Variants in ABCG1 observed in about 807,000 individuals in gnomAD.
ABCG1 encodes ATP binding cassette subfamily G member 1.
In ABCG1, 29 loss-of-function variants were observed where a neutral mutation model predicts 69.2. The ratio of observed to expected loss-of-function variants is 0.42; its 90% CI spans 0.31 to 0.57. The LOEUF is 0.57. ABCG1 is among the 20% of genes least tolerant of loss of function. The pLI is 0.15. For synonymous variants in ABCG1, 370 were observed against 374.8 expected, an observed-to-expected ratio of 0.99 and a Z score of 0.15; for missense variants, 718 against 898.1, an observed-to-expected ratio of 0.80 and a Z score of 2.56.
intron 2 of ABCG1, among the ~76,000 whole-genome samples, chr21:42,202,643 G>A (rs1000047950): frequency 1.3e-5 from 2 of 149,042 alleles, no homozygotes; most frequent in Non-Finnish European, 3.0e-5. Flanking sequence ...ACAAGGTCTC[G>A]CTCTGTCACC....
At chr21:42,227,422 T>A (rs979870369) in intron 2 of ABCG1, among the ~76,000 whole-genome samples, 1 of 152,258 alleles carries the variant, frequency 6.6e-6, no homozygotes, top group Admixed American at 6.5e-5. Context: ...AGACAAATTA[T>A]GGCAAAGCAG....
intron 2 of ABCG1, among the ~76,000 whole-genome samples, chr21:42,267,486 C>G (rs190463314): frequency 5.6e-4 from 84 of 150,428 alleles, no homozygotes; most frequent in African/African-American, 2.0e-3. Flanking sequence ...TGGGTCTGAT[C>G]TGGGTTCTGT....
At chr21:42,221,869 G>C (rs2067733329) in intron 1 of ABCG1, among the ~76,000 whole-genome samples, 1 of 152,176 alleles carries the variant, frequency 6.6e-6, no homozygotes, top group Non-Finnish European at 1.5e-5. Flanking sequence ...ACCACGGCCT[G>C]TGGGTGGCTT....
chr21:42,256,387 C>T (rs752561076), intron 2 of ABCG1: 1 of 1,550,306 alleles, frequency 6.5e-7, no homozygotes, highest in Non-Finnish European at 8.7e-7. Context: ...CCGCCATTCT[C>T]TTGGCCAGAC....
chr21:42,288,203 G>C lies in ABCG1; in HGVS notation c.1123-8G>C, dbSNP rs201499987. On this transcript the variant is annotated splice_region_variant and splice_polypyrimidine_tract_variant and intron_variant, in intron 9 of 14. Coordinates refer to ENST00000398449, the MANE Select transcript of ABCG1 (RefSeq NM_016818.3). This position sits in a 1 kb window ranked among gnomAD's most constrained non-coding sequence, Gnocchi z 4.8. ...TTTCACCCGCTCCCCTCTTGCGTGT[G>C]TCCTCAGGACTCCTCGTCCATGGAA... 17 of 1,613,962 alleles carry C rather than the reference G, an allele frequency of 1.1e-5. No homozygotes were observed. The East Asian group carries it at 3.8e-4, about 36-fold the overall frequency.
chr21:42,256,974 A>G (rs1310901435), intron 2 of ABCG1, among the ~76,000 whole-genome samples: 1 of 152,158 alleles, frequency 6.6e-6, no homozygotes, highest in Non-Finnish European at 1.5e-5. Flanking sequence ...TTTTGTCTGT[A>G]ATTGCAACTC....
chr21:42,212,959 C>T (rs961092185), upstream of ABCG1, among the ~76,000 whole-genome samples: 6 of 152,188 alleles, frequency 3.9e-5, no homozygotes, highest in Non-Finnish European at 8.8e-5. Context: ...TCCCAAAGTG[C>T]TGGGATTACA....
At chr21:42,205,314 T>C (rs2123464002) in intron 2 of ABCG1, among the ~76,000 whole-genome samples, 1 of 152,246 alleles carries the variant, frequency 6.6e-6, no homozygotes, top group South Asian at 2.1e-4. Context: ...TTTTATTGAT[T>C]GTGGCCAGAC....
chr21:42,296,627 T>TG lies in ABCG1; in HGVS notation c.*235_*236insG, dbSNP rs1044700178. On this transcript the variant is annotated 3_prime_UTR_variant, in exon 15 of 15. Coordinates refer to ENST00000398449, the MANE Select transcript of ABCG1 (RefSeq NM_016818.3). The surrounding 1 kb of genome is among the most constrained non-coding windows in gnomAD (Gnocchi z 5.4). ...GGAAGATGTAGGCAGATTGGTGGTTTTTTTTTTTTTAACATACAGAATTTT... is the reference window on the plus strand; with the variant it reads ...GGAAGATGTAGGCAGATTGGTGGTTTGTTTTTTTTTTAACATACAGAATTTT... The TG allele has an allele frequency of 1.2e-5, 6 of 516,756 alleles. No homozygotes were observed. Among genetic ancestry groups the TG allele is most frequent in the Admixed American group, 6.4e-5 (2 of 31,316 alleles). The allele number at this position is 516,756 out of a possible 1,614,324, so 32.0% of individuals were successfully genotyped here.
chr21:42,292,725 CCA>C (rs1241010100), intron 13 of ABCG1, among the ~76,000 whole-genome samples: 2 of 149,310 alleles, frequency 1.3e-5, no homozygotes, highest in South Asian at 2.1e-4. Context: ...ACACTACACA[CCA>C]CACACTGCAT....
chr21:42,256,755 G>A (rs886310942), intron 2 of ABCG1: 43 of 1,330,066 alleles, frequency 3.2e-5, no homozygotes, highest in African/African-American at 1.9e-4. Flanking sequence ...AAATGATCAC[G>A]AGCTTAAGGA....
chr21:42,273,144 G>A lies in ABCG1; in HGVS notation c.405-159G>A, dbSNP rs2068645791. Among the ~76,000 whole-genome samples the A allele has an allele frequency of 6.6e-6, 1 of 152,190 alleles. No homozygotes were observed. Among genetic ancestry groups the A allele is most frequent in the Non-Finnish European group, 1.5e-5 (1 of 68,024 alleles). On this transcript the variant is annotated intron_variant, in intron 3 of 14. Transcript: ENST00000398449. This position sits in a 1 kb window ranked among gnomAD's most constrained non-coding sequence, Gnocchi z 5.3. ...TCCCGATCGCTGCAGTGCTAGCGAG[G>A]TCCGGTCCCTTTCTGCCCCTCGGGG...
Position 42,288,130 on chromosome 21 carries a change from G to A in ABCG1, c.1123-81G>A. 6.2e-7 allele frequency: 1 copy of A among 1,611,728 alleles called. No homozygotes were observed. On this transcript the variant is annotated intron_variant, in intron 9 of 14. Transcript: ENST00000398449. This position sits in a 1 kb window ranked among gnomAD's most constrained non-coding sequence, Gnocchi z 4.8. ...GCTGCACGTGGCACCGTGCACTGCT[G>A]CATGAGAGCTCTTTCCGAGCAAGAA...
rs374095801 is a variant in ABCG1 at position 42,290,232 on chromosome 21, C to T, written c.1393+14C>T. On this transcript the variant is annotated intron_variant, in intron 11 of 14. Coordinates refer to ENST00000398449, the MANE Select transcript of ABCG1 (RefSeq NM_016818.3). ...CTGTTCTGACATGTGAGTGACAGAC[C>T]GCTGACCCCTTCTTCCTTATTTTCA... The T allele has an allele frequency of 1.0e-4, 165 of 1,607,758 alleles. No homozygotes were observed. The African/African-American group carries it at 1.6e-3, about 16-fold the overall frequency.
chr21:42,231,724 G>A (rs2067903752), intron 2 of ABCG1, among the ~76,000 whole-genome samples: 1 of 152,252 alleles, frequency 6.6e-6, no homozygotes, highest in Non-Finnish European at 1.5e-5. Context: ...TGGAGATCCT[G>A]TGGCTAGGGG....
intron 8 of ABCG1, among the ~76,000 whole-genome samples, chr21:42,286,789 G>A (rs577946111): frequency 9.2e-5 from 14 of 152,246 alleles, no homozygotes; most frequent in Non-Finnish European, 1.6e-4. Context: ...AGGTCCTGGA[G>A]AGATGAGGGC....
chr21:42,244,764 AG>A (rs772874652), intron 2 of ABCG1, among the ~76,000 whole-genome samples: 26 of 152,240 alleles, frequency 1.7e-4, no homozygotes, highest in Non-Finnish European at 3.4e-4. Flanking sequence ...TCCATTTCCA[AG>A]CCACAGAAAG....
At chr21:42,249,936 C>T (rs541668758) in intron 2 of ABCG1, among the ~76,000 whole-genome samples, 87 of 150,252 alleles carry the variant, frequency 5.8e-4, no homozygotes, top group Non-Finnish European at 1.0e-3. Context: ...ACCTGGGAGG[C>T]GGAGGTTGCA....
At chr21:42,275,220 T>C (rs8134486) in intron 4 of ABCG1, among the ~76,000 whole-genome samples, 5,036 of 152,216 alleles carry the variant, frequency 0.033, 193 homozygotes, top group African/African-American at 0.088. Flanking sequence ...CTAAACTTCT[T>C]TGTGGGGAAA....
Sources: gnomAD v4.1 joint callset for allele counts (sites outside exome capture counted in the v4.1 genomes callset) on GRCh38, gnomAD v4.1.1 for gene constraint, Gnocchi (gnomAD v3.1) non-coding constraint, MANE v1.5 for transcripts, NCBI Gene and HGNC (gene_info 2026-07-23, HGNC 2026-07-21) for gene names.